DOCK9: variants seen among roughly 807,000 people sequenced by gnomAD.
The protein encoded by DOCK9 is dedicator of cytokinesis 9.
In DOCK9, 89 loss-of-function variants were observed where a neutral mutation model predicts 263.3. That is an observed-to-expected ratio of 0.34 (90% CI 0.28 to 0.40). The LOEUF (loss-of-function observed/expected upper bound fraction) is 0.40, where lower values mean the gene tolerates loss of function less well. Among genes scored for constraint, DOCK9 ranks in the 10% least tolerant of loss-of-function variants. The pLI is 1.00. For missense variants in DOCK9, 2,140 were observed against 2,603.4 expected, an observed-to-expected ratio of 0.82 and a Z score of 3.87; for synonymous variants, 976 against 973.1, an observed-to-expected ratio of 1.00 and a Z score of -0.06.
chr13:98,902,861 A>G, intron 11 of DOCK9, 111 bp downstream of exon 11: 2 of 1,046,810 alleles, frequency 1.9e-6, no homozygotes, highest in Non-Finnish European at 2.7e-6. Flanking sequence ...CAAACACTGC[A>G]CCTCTTTGAT....
chr13:98,826,801 T>G (rs771922820), intron 44 of DOCK9, 29 bp downstream of exon 44: 4 of 1,571,304 alleles, frequency 2.5e-6, no homozygotes, highest in Non-Finnish European at 2.6e-6. Context: ...TACTAATTAA[T>G]TTCACAAAAC....
At chr13:98,930,115 CAGTT>C in intron 3 of DOCK9, 49 bp downstream of exon 3, 1 of 1,466,864 alleles carries the variant, frequency 6.8e-7, no homozygotes. Flanking sequence ...GAAAAGGAGG[CAGTT>C]AGGGGAAAAT....
chr13:98,879,845 G>T (rs1219585753), intron 27 of DOCK9, 53 bp downstream of exon 27: 3 of 1,470,484 alleles, frequency 2.0e-6, no homozygotes, highest in Non-Finnish European at 2.8e-6. Flanking sequence ...ACAAAGCAAT[G>T]AAAGAGATTT....
At chr13:99,068,663 C>T (rs950252296) in intron 1 of DOCK9, among the ~76,000 whole-genome samples, 2 of 151,462 alleles carry the variant, frequency 1.3e-5, no homozygotes, top group Admixed American at 1.3e-4. Flanking sequence ...CACATACATC[C>T]TTCAGTTTAA....
At chr13:98,943,458 C>T (rs368983891) in intron 2 of DOCK9, among the ~76,000 whole-genome samples, 13 of 152,294 alleles carry the variant, frequency 8.5e-5, no homozygotes, top group South Asian at 2.1e-4. Context: ...CCTGGTCATA[C>T]GTTAAATGAC....
intron 1 of DOCK9, among the ~76,000 whole-genome samples, chr13:98,983,331 C>T (rs1877671155): frequency 6.6e-6 from 1 of 152,084 alleles, no homozygotes; most frequent in Non-Finnish European, 1.5e-5. Context: ...GAAAAGGGGC[C>T]CGAAAATGAT....
At chr13:99,017,853 G>C (rs1010370818) in intron 1 of DOCK9, among the ~76,000 whole-genome samples, 2 of 152,176 alleles carry the variant, frequency 1.3e-5, no homozygotes, top group Non-Finnish European at 2.9e-5. Context: ...CTGCGGGTAG[G>C]ACAAGCTTGG....
chr13:98,809,284 T>TG lies in DOCK9; in HGVS notation c.5367+67_5367+68insC. The TG allele has an allele frequency of 6.0e-6, 7 of 1,166,312 alleles. 2 individuals carry two copies. The South Asian group carries it at 9.7e-5, about 16-fold the overall frequency. The allele number at this position is 1,166,312 out of a possible 1,614,324, so 72.2% of individuals were successfully genotyped here. A position where few individuals can be genotyped will look rare whatever the true frequency, so the allele number is the denominator to read the frequency against. Reference sequence around the variant, plus strand: ...AAGATATAACTTTATTATAGTTTTTTTTTTGTTTTTGTTTTTGTTTTTTTT... The same window carrying TG: ...AAGATATAACTTTATTATAGTTTTTTGTTTTGTTTTTGTTTTTGTTTTTTTT... On this transcript the variant is annotated intron_variant, in intron 47 of 52. Transcript: ENST00000682017.
Position 98,807,651 on chromosome 13 carries a change from A to G in DOCK9, c.5514+10T>C, listed in dbSNP as rs368151959. 2.1e-5 allele frequency: 33 copies of G among 1,588,304 alleles called. No homozygotes were observed. The highest frequency in any genetic ancestry group is 2.7e-5 in the African/African-American group (2 of 74,620). On this transcript the variant is annotated intron_variant, in intron 48 of 52. Transcript: ENST00000682017. The stretch of plus-strand genomic sequence containing the variant: ...ACATTGCTATGAAACTTATCCAAAC[A>G]TGGTCATACCTTGCCAGAATCCTGT...
At chr13:98,798,556 T>C (rs1189461547) in intron 50 of DOCK9, among the ~76,000 whole-genome samples, 1 of 152,050 alleles carries the variant, frequency 6.6e-6, no homozygotes, top group Admixed American at 6.5e-5. Flanking sequence ...TCATCTAAAA[T>C]GATACAAGAC....
upstream of DOCK9, among the ~76,000 whole-genome samples, chr13:98,978,323 G>A (rs1210372653): frequency 5.3e-5 from 8 of 152,212 alleles, no homozygotes; most frequent in Non-Finnish European, 1.0e-4. Flanking sequence ...CCTTAAATCT[G>A]AAGCTCGTGG....
chr13:98,853,749 A>G (rs2093632689), intron 34 of DOCK9, among the ~76,000 whole-genome samples: 1 of 152,124 alleles, frequency 6.6e-6, no homozygotes, highest in African/African-American at 2.4e-5. Context: ...CGCTCTCCTG[A>G]GGGACAAGCA....
chr13:98,799,840 G>A (rs559680062), intron 50 of DOCK9, among the ~76,000 whole-genome samples: 9 of 152,222 alleles, frequency 5.9e-5, no homozygotes, highest in East Asian at 5.8e-4. Context: ...TTGATTGATT[G>A]GGCTATATTA....
chr13:98,834,808 T>G (rs1171233901), intron 39 of DOCK9, among the ~76,000 whole-genome samples: 1 of 152,242 alleles, frequency 6.6e-6, no homozygotes. Flanking sequence ...GGTAATTTTC[T>G]TCTTCTGTCT....
intron 49 of DOCK9, among the ~76,000 whole-genome samples, chr13:98,802,952 A>G (rs2090287392): frequency 6.6e-6 from 1 of 152,212 alleles, no homozygotes; most frequent in South Asian, 2.1e-4. Flanking sequence ...GCTTCTTACT[A>G]TTTACAAAGT....
Position 98,852,160 on chromosome 13 carries a change from C to T in DOCK9, c.3946+1248G>A, listed in dbSNP as rs578136058. 2.1e-4 allele frequency among the ~76,000 whole-genome samples: 32 copies of T among 152,086 alleles called. 1 individual carries two copies. The South Asian group carries it at 6.0e-3, about 29-fold the overall frequency. On this transcript the variant is annotated intron_variant, in intron 35 of 52. Transcript: ENST00000682017. The stretch of plus-strand genomic sequence containing the variant: ...AAAGGAAAAACAGAATTATAATGCT[C>T]GCTGAAACTCATTATTACCATGAAG...
intron 1 of DOCK9, among the ~76,000 whole-genome samples, chr13:98,986,524 G>C (rs564313857): frequency 2.2e-4 from 33 of 152,348 alleles, no homozygotes; most frequent in African/African-American, 7.9e-4. Flanking sequence ...GACAATGACC[G>C]TGTATAGTAA....
At chr13:98,907,988 A>G (rs1281911454) in intron 9 of DOCK9, among the ~76,000 whole-genome samples, 1 of 152,210 alleles carries the variant, frequency 6.6e-6, no homozygotes, top group African/African-American at 2.4e-5. Context: ...GCTCATTAAA[A>G]GAGAAAACAC....
At chr13:98,935,529 G>A (rs570142761) in intron 2 of DOCK9, among the ~76,000 whole-genome samples, 2 of 152,258 alleles carry the variant, frequency 1.3e-5, no homozygotes, top group African/African-American at 4.8e-5. Flanking sequence ...GCACTTTGAG[G>A]GGGCCGAGGC....
Sources: gnomAD v4.1 joint callset for allele counts (sites outside exome capture counted in the v4.1 genomes callset) on GRCh38, gnomAD v4.1.1 for gene constraint, MANE v1.5 for transcripts, NCBI Gene and HGNC (gene_info 2026-07-23, HGNC 2026-07-21) for gene names.